Variants in DOCK1 observed in about 807,000 individuals in gnomAD.
The protein encoded by DOCK1 is dedicator of cytokinesis protein 1.
Under a neutral mutation model 262.7 loss-of-function variants are expected in DOCK1, and 138 were observed. That is an observed-to-expected ratio of 0.53 (90% CI 0.46 to 0.61). The LOEUF is 0.61. Ranked by LOEUF, DOCK1 falls within the 20% of genes least tolerant of loss-of-function variation. The pLI, the probability that DOCK1 is intolerant of heterozygous loss-of-function variation, is 0.00. For missense variants in DOCK1, 1,908 were observed against 2,370.7 expected (o/e 0.80, Z 4.05); for synonymous variants, 866 against 867.4 (o/e 1.00, Z 0.03).
chr10:127,183,714 T>C (rs1370790653), intron 27 of DOCK1, among the ~76,000 whole-genome samples: 1 of 152,216 alleles, frequency 6.6e-6, no homozygotes, highest in East Asian at 1.9e-4. Context: ...AGCGAAATTT[T>C]AGCATTCATA....
At chr10:126,952,679 T>TTGTTGGTGGTGGTGGTAG (rs2036374124) in intron 1 of DOCK1, among the ~76,000 whole-genome samples, 1 of 10,080 alleles carries the variant, frequency 9.9e-5, no homozygotes, top group Non-Finnish European at 2.4e-4. Flanking sequence ...AGTATTGTTG[T>TTGTTGGTGGTGGTGGTAG]TGTTGGTAGT....
chr10:127,021,791 A>G (rs974034409), intron 13 of DOCK1, among the ~76,000 whole-genome samples: 5 of 152,174 alleles, frequency 3.3e-5, no homozygotes, highest in African/African-American at 1.2e-4. Context: ...GCTTAATTTA[A>G]TAGTTGGATA....
rs567593902 is a variant in DOCK1 at position 127,176,336 on chromosome 10, G to T, written c.2847+48572G>T. The stretch of plus-strand genomic sequence containing the variant: ...TCATCTCCAGGGCCAGGCAGGCGGC[G>T]GGTTCCACTTCACTCTCCGACGTTG... On this transcript the variant is annotated intron_variant, in intron 27 of 51. Transcript: ENST00000623213. The surrounding 1 kb of genome is among the most constrained non-coding windows in gnomAD (Gnocchi z 4.4). 8.7e-6 allele frequency: 14 copies of T among 1,613,742 alleles called. No individual in the cohort carries two copies. The highest frequency in any genetic ancestry group is 3.3e-5 in the Admixed American group (2 of 59,994).
rs75973135 is a variant in DOCK1, at chr10:126,912,883, C to T, written c.46+7320C>T. ...ATGCTGAATTTCTGAGGTTAGAACA[C>T]TGACATATGGATTTGGAGGGACACA... On this transcript the variant is annotated intron_variant, in intron 1 of 51. Coordinates refer to ENST00000623213, the MANE Select transcript of DOCK1 (RefSeq NM_001290223.2). Among the ~76,000 whole-genome samples, 88 of 152,274 alleles carry T rather than the reference C, an allele frequency of 5.8e-4. 1 individual carries two copies. In the East Asian group the frequency reaches 8.5e-3, roughly 15 times the overall value.
rs77823068 is a variant in DOCK1 at position 127,071,396 on chromosome 10, A to G, written c.2445+9620A>G. Among the ~76,000 whole-genome samples the G allele has an allele frequency of 5.8e-3, 891 of 152,348 alleles. 8 individuals carry two copies. The highest frequency in any genetic ancestry group is 0.01 in the Non-Finnish European group (706 of 68,034). On this transcript the variant is annotated intron_variant, in intron 23 of 51. Coordinates refer to ENST00000623213, the MANE Select transcript of DOCK1 (RefSeq NM_001290223.2). ...CTCCACCCACATTTATACTGTGCACAGTACTTTGCAACAGTAGCAGAAATG... is the reference window on the plus strand; with the variant it reads ...CTCCACCCACATTTATACTGTGCACGGTACTTTGCAACAGTAGCAGAAATG...
chr10:127,054,128 T>C (rs2135753259), intron 22 of DOCK1, among the ~76,000 whole-genome samples: 1 of 152,290 alleles, frequency 6.6e-6, no homozygotes, highest in Non-Finnish European at 1.5e-5. Flanking sequence ...CCTCACTGTG[T>C]TTTCGTTTGT....
chr10:127,297,606 A>G lies in DOCK1; in HGVS notation c.3044+40177A>G, dbSNP rs887291912. On this transcript the variant is annotated intron_variant, in intron 29 of 51. Transcript: ENST00000623213. Reference sequence around the variant, plus strand: ...TTTCATAATTAACCAACAGATTAATATTCCTCAGAAATACAAAGCACCTCT... The same window carrying G: ...TTTCATAATTAACCAACAGATTAATGTTCCTCAGAAATACAAAGCACCTCT... 2.0e-5 allele frequency among the ~76,000 whole-genome samples: 3 copies of G among 152,214 alleles called. No individual in the cohort carries two copies. The East Asian group carries it at 5.8e-4, about 29-fold the overall frequency.
intron 27 of DOCK1, among the ~76,000 whole-genome samples, chr10:127,161,748 A>G (rs1021493609): frequency 6.6e-6 from 1 of 152,094 alleles, no homozygotes; most frequent in East Asian, 1.9e-4. Context: ...CTGCCAGAAC[A>G]CCTGTCTTGC....
At chr10:127,213,900 C>T (rs895158855) in intron 27 of DOCK1, among the ~76,000 whole-genome samples, 6 of 152,124 alleles carry the variant, frequency 3.9e-5, no homozygotes, top group African/African-American at 9.7e-5. Context: ...AGTGCAGTGG[C>T]GCCATCTCAG....
rs1413888086 is a variant in DOCK1, at chr10:127,176,421, A to G, written c.2847+48657A>G. ...GGTTCCTGCATTCAGAAACAGCAAC[A>G]GAGGTGTCAGTGGGACAGAAATACA... On this transcript the variant is annotated intron_variant, in intron 27 of 51. Transcript: ENST00000623213. This position sits in a 1 kb window ranked among gnomAD's most constrained non-coding sequence, Gnocchi z 4.4. 3 of 1,568,832 alleles carry G rather than the reference A, an allele frequency of 1.9e-6. No individual in the cohort carries two copies. The highest frequency in any genetic ancestry group is 2.6e-6 in the Non-Finnish European group (3 of 1,157,072).
At chr10:127,048,991 C>T (rs553843497) in intron 21 of DOCK1, among the ~76,000 whole-genome samples, 13 of 152,182 alleles carry the variant, frequency 8.5e-5, no homozygotes, top group Admixed American at 2.6e-4. Context: ...TTTATTATTG[C>T]GCTGGAAGTA....
intron 19 of DOCK1, among the ~76,000 whole-genome samples, chr10:127,038,550 C>A (rs949997804): frequency 3.3e-5 from 5 of 152,170 alleles, no homozygotes; most frequent in Admixed American, 3.3e-4. Context: ...TCGTACTAGA[C>A]TCCCTGAGAT....
chr10:127,412,258 G>A (rs995192732), intron 43 of DOCK1, among the ~76,000 whole-genome samples: 2 of 152,062 alleles, frequency 1.3e-5, no homozygotes, highest in Non-Finnish European at 2.9e-5. Flanking sequence ...CACCGCGCCT[G>A]GCCCTAGAGC....
chr10:127,179,380 G>C (rs1024286956), intron 27 of DOCK1, among the ~76,000 whole-genome samples: 2 of 152,214 alleles, frequency 1.3e-5, no homozygotes, highest in Non-Finnish European at 1.5e-5. Flanking sequence ...GTAAAAAAAT[G>C]ATGGTAATAC....
intron 45 of DOCK1, among the ~76,000 whole-genome samples, 183 bp downstream of exon 45, chr10:127,418,724 C>T (rs1015855539): frequency 2.0e-5 from 3 of 152,222 alleles, no homozygotes; most frequent in Non-Finnish European, 2.9e-5. Flanking sequence ...AGGTCAAGGC[C>T]GGAGTCCCGG....
Position 127,257,492 on chromosome 10 carries a change from AGTGG to A in DOCK1, c.3044+64_3044+67del, listed in dbSNP as rs551915213. The stretch of plus-strand genomic sequence containing the variant: ...CTCCCAATTCATGTCTGCTGGGAAC[AGTGG>A]TGTTGCCTGGAGACCAAGCTGGCTT... On this transcript the variant is annotated intron_variant, in intron 29 of 51. Transcript: ENST00000623213. The A allele has an allele frequency of 1.2e-4, 168 of 1,459,610 alleles. No homozygotes were observed. In the African/African-American group the frequency reaches 1.9e-3, roughly 17 times the overall value. The allele number at this position is 1,459,610 out of a possible 1,614,324, so 90.4% of individuals were successfully genotyped here.
In DOCK1 at chr10:127,373,759, C is replaced by T. The variant is rs142910099; in HGVS notation, c.3433-22C>T. On this transcript the variant is annotated intron_variant, in intron 33 of 51. Coordinates refer to ENST00000623213, the MANE Select transcript of DOCK1 (RefSeq NM_001290223.2). ...AAATACTCGCCATGCTGATTATTTA[C>T]GCTTCCTCTGTTTAATTATAGTTTG... 9,454 of 1,585,276 alleles carry T rather than the reference C, an allele frequency of 6.0e-3. 34 individuals carry two copies. Among genetic ancestry groups the T allele is most frequent in the Non-Finnish European group, 7.1e-3 (8,224 of 1,162,512 alleles).
At chr10:127,201,492 G>T (rs1183232134) in intron 27 of DOCK1, among the ~76,000 whole-genome samples, 1 of 152,192 alleles carries the variant, frequency 6.6e-6, no homozygotes. Flanking sequence ...CCTGAGCATC[G>T]TGAGGACTCG....
At chr10:127,010,504 T>C (rs2135287324) in intron 11 of DOCK1, among the ~76,000 whole-genome samples, 1 of 152,278 alleles carries the variant, frequency 6.6e-6, no homozygotes, top group East Asian at 1.9e-4. Flanking sequence ...GCATTAAACA[T>C]TTAGTTCTTC....
Sources: gnomAD v4.1 joint callset for allele counts (sites outside exome capture counted in the v4.1 genomes callset) on GRCh38, gnomAD v4.1.1 for gene constraint, Gnocchi (gnomAD v3.1) non-coding constraint, MANE v1.5 for transcripts, NCBI Gene and HGNC (gene_info 2026-07-23, HGNC 2026-07-21) for gene names.